The following PREX2 variants were observed in gnomAD, a reference collection of about 807,000 sequenced individuals.
The protein encoded by PREX2 is phosphatidylinositol-3,4,5-trisphosphate dependent Rac exchange factor 2, also known as phosphatidylinositol 3,4,5-trisphosphate-dependent Rac exchanger 2 protein.
PREX2 carries 107 observed loss-of-function variants against 203.2 expected under a neutral mutation model. The ratio of observed to expected loss-of-function variants is 0.53; its 90% CI spans 0.45 to 0.62. The LOEUF (loss-of-function observed/expected upper bound fraction) is 0.62, where lower values mean the gene tolerates loss of function less well. PREX2 is among the 20% of genes least tolerant of loss of function. PREX2 has a pLI of 0.00. For missense variants in PREX2, 1,777 were observed against 1,955.9 expected (o/e 0.91, Z 1.72); for synonymous variants, 672 against 663.6 (o/e 1.01, Z -0.19).
intron 30 of PREX2, among the ~76,000 whole-genome samples, chr8:68,121,588 G>A (rs577739023): frequency 7.7e-4 from 117 of 152,194 alleles, no homozygotes; most frequent in African/African-American, 2.6e-3. Flanking sequence ...ACTTTGAGAC[G>A]ACTTCATTGA....
chr8:68,087,163 C>G (rs149151039), intron 18 of PREX2, among the ~76,000 whole-genome samples: 14 of 152,254 alleles, frequency 9.2e-5, no homozygotes, highest in Non-Finnish European at 1.6e-4. Flanking sequence ...TGTTATCTTT[C>G]TGTGTCAGAG....
intron 19 of PREX2, 29 bp downstream of exon 19, chr8:68,087,838 C>T (rs368332098): frequency 6.7e-7 from 1 of 1,485,432 alleles, no homozygotes; most frequent in Non-Finnish European, 9.4e-7. Flanking sequence ...AGGGAAACAG[C>T]TTTCCAGCAG....
intron 11 of PREX2, among the ~76,000 whole-genome samples, chr8:68,067,011 C>A (rs114869353): frequency 0.012 from 1,861 of 152,156 alleles, 40 homozygotes; most frequent in African/African-American, 0.041. Context: ...GTGTTCTTGG[C>A]ACCTTTGTGG....
chr8:67,956,185 A>G (rs556234785), intron 1 of PREX2, among the ~76,000 whole-genome samples: 5 of 152,344 alleles, frequency 3.3e-5, no homozygotes, highest in South Asian at 4.1e-4. Flanking sequence ...TTCTAAATAA[A>G]TGATTACATG....
intron 11 of PREX2, among the ~76,000 whole-genome samples, chr8:68,067,489 AT>A (rs1360828684): frequency 1.3e-5 from 2 of 151,736 alleles, no homozygotes; most frequent in African/African-American, 2.4e-5. Flanking sequence ...GTTACATCTT[AT>A]TTTTTTATTC....
chr8:68,008,791 A>G, intron 1 of PREX2, among the ~76,000 whole-genome samples: 1 of 152,092 alleles, frequency 6.6e-6, no homozygotes, highest in East Asian at 1.9e-4. Flanking sequence ...TCCCCTGCAC[A>G]TGCTGTCTTG....
At chr8:67,985,122 T>A (rs1806379881) in intron 1 of PREX2, among the ~76,000 whole-genome samples, 1 of 152,032 alleles carries the variant, frequency 6.6e-6, no homozygotes, top group Non-Finnish European at 1.5e-5. Flanking sequence ...AGAAAAACGC[T>A]TTTGGATGTT....
chr8:68,228,484 C>T (rs1189421711), intron 39 of PREX2, among the ~76,000 whole-genome samples: 1 of 151,952 alleles, frequency 6.6e-6, no homozygotes, highest in African/African-American at 2.4e-5. Flanking sequence ...AAAAAATGGC[C>T]GGGTGCATAG....
At chr8:68,191,689 A>G (rs2129614664) in intron 35 of PREX2, 33 bp from the exon 36 acceptor site, 1 of 1,504,724 alleles carries the variant, frequency 6.6e-7, no homozygotes, top group Non-Finnish European at 9.2e-7. Flanking sequence ...TTTCCTAACA[A>G]CAAATGATAA....
In PREX2 at chr8:68,235,021, G is replaced by T. The variant is rs1813241312; in HGVS notation, c.*3643G>T. On this transcript the variant is annotated 3_prime_UTR_variant, in exon 40 of 40. Transcript: ENST00000288368. ...ACACTATTTTCAGTCCTTTGGGCTT[G>T]TACATTTTATAGACAAAATTAGCAT... is the stretch of plus-strand genomic sequence containing the variant. 1 of 152,064 alleles carries T rather than the reference G, an allele frequency of 6.6e-6. No individual in the cohort carries two copies. The highest frequency in any genetic ancestry group is 6.6e-5 in the Admixed American group (1 of 15,250). The allele number at this position is 152,064 out of a possible 1,614,324, so 9.4% of individuals were successfully genotyped here.
At chr8:68,231,160 G>T (rs994296718) in intron 39 of PREX2, among the ~76,000 whole-genome samples, 173 bp from the exon 40 acceptor site, 1 of 152,086 alleles carries the variant, frequency 6.6e-6, no homozygotes, top group Admixed American at 6.5e-5. Context: ...CTAAATCATA[G>T]AATCTAATTT....
At chr8:68,228,944 TAAAAAAAAAAA>T (rs58993264) in intron 39 of PREX2, among the ~76,000 whole-genome samples, 1 of 103,538 alleles carries the variant, frequency 9.7e-6, no homozygotes, top group Non-Finnish European at 1.8e-5. Context: ...CTTGTCTCTT[TAAAAAAAAAAA>T]AAAAAAAAAA....
chr8:68,063,682 C>T (rs748438960), intron 11 of PREX2, among the ~76,000 whole-genome samples: 9 of 152,108 alleles, frequency 5.9e-5, no homozygotes, highest in African/African-American at 1.7e-4. Context: ...CCTATCCTAG[C>T]GTATTTCTGC....
At chr8:68,081,187 A>C (rs1766950916) in intron 17 of PREX2, among the ~76,000 whole-genome samples, 1 of 152,152 alleles carries the variant, frequency 6.6e-6, no homozygotes, top group Admixed American at 6.5e-5. Context: ...ACCTCAGATC[A>C]TCAGGCATTA....
At chr8:68,224,499 T>C in intron 38 of PREX2, 60 bp from the exon 39 acceptor site, 1 of 1,250,774 alleles carries the variant, frequency 8.0e-7, no homozygotes, top group Non-Finnish European at 1.2e-6. Flanking sequence ...CAAATGTTAA[T>C]GGTATGTTAA....
chr8:68,065,588 A>C (rs1054540040), intron 11 of PREX2, among the ~76,000 whole-genome samples: 1 of 152,150 alleles, frequency 6.6e-6, no homozygotes, highest in African/African-American at 2.4e-5. Flanking sequence ...AAGTCTTTTG[A>C]CTTTCTTCTG....
At chr8:68,129,439 A>G (rs1229985342) in intron 31 of PREX2, among the ~76,000 whole-genome samples, 1 of 152,140 alleles carries the variant, frequency 6.6e-6, no homozygotes, top group East Asian at 1.9e-4. Flanking sequence ...CCAAAACAGG[A>G]GCCAAAATAC....
intron 1 of PREX2, among the ~76,000 whole-genome samples, chr8:67,999,415 C>T (rs4498524): frequency 0.12 from 18,309 of 148,058 alleles, 1,447 homozygotes; most frequent in Middle Eastern, 0.19. Context: ...ATGAAGAAAT[C>T]GATTCCCTAA....
In PREX2 at chr8:68,044,666, G is replaced by C. The variant is rs1313166107; in HGVS notation, c.943+76G>C. The stretch of plus-strand genomic sequence containing the variant: ...CCTTTGTAAGACAGATTTCTCACTT[G>C]GATAATTCACCTGCCATGTATTAGA... On this transcript the variant is annotated intron_variant, in intron 8 of 39. Coordinates refer to ENST00000288368, the MANE Select transcript of PREX2 (RefSeq NM_024870.4). The C allele has an allele frequency of 1.3e-5, 13 of 1,029,264 alleles. 1 individual carries two copies. The Admixed American group carries it at 1.8e-4, about 14-fold the overall frequency. The allele number at this position is 1,029,264 out of a possible 1,614,324, so 63.8% of individuals were successfully genotyped here.
Sources: gnomAD v4.1 joint callset for allele counts (sites outside exome capture counted in the v4.1 genomes callset) on GRCh38, gnomAD v4.1.1 for gene constraint, MANE v1.5 for transcripts, NCBI Gene and HGNC (gene_info 2026-07-23, HGNC 2026-07-21) for gene names.